Variants in TMEM184A observed in about 807,000 individuals in gnomAD.
TMEM184A encodes sexually dimorphic, expressed in male gonads 1.
In TMEM184A, 40 loss-of-function variants were observed where a neutral mutation model predicts 39.5. The observed-to-expected ratio is 1.01, with a 90% CI of 0.79 to 1.32. TMEM184A has a LOEUF of 1.32. TMEM184A is among the 40% of genes most tolerant of loss of function. The pLI is 0.00. For synonymous variants in TMEM184A, 280 were observed against 252.3 expected, an observed-to-expected ratio of 1.11 and a Z score of -1.04; for missense variants, 603 against 568.8, an observed-to-expected ratio of 1.06 and a Z score of -0.61.
rs578109221 is a variant in TMEM184A, at chr7:1,545,868, T to G, written c.*1084A>C. 1 of 152,342 alleles carries G rather than the reference T, an allele frequency of 6.6e-6. No individual in the cohort carries two copies. The highest frequency in any genetic ancestry group is 2.1e-4 in the South Asian group (1 of 4,812). 9.4% of individuals were successfully genotyped at this position (152,342 alleles called of 1,614,324 possible). Reference sequence around the variant, plus strand: ...CAAACCCAGGGCCCCACCTGGCACGTGGAGGAAGAAGAGAAGGGCAGGAGG... The same window carrying G: ...CAAACCCAGGGCCCCACCTGGCACGGGGAGGAAGAAGAGAAGGGCAGGAGG... On this transcript the variant is annotated 3_prime_UTR_variant, in exon 9 of 9. Transcript: ENST00000297477.
Position 1,546,948 on chromosome 7 carries a change from C to T in TMEM184A, c.*4G>A, listed in dbSNP as rs781643649. The T allele has an allele frequency of 4.5e-5, 69 of 1,547,848 alleles. No individual in the cohort carries two copies. The African/African-American group carries it at 8.3e-4, about 19-fold the overall frequency. On this transcript the variant is annotated 3_prime_UTR_variant, in exon 9 of 9. Transcript: ENST00000297477. ...TCCCTACAGCACTGGCAGCCCAGGC[C>T]CCCCTACAGGTCCTCCGAGGGGATC...
chr7:1,550,238 C>T, intron 4 of TMEM184A, 40 bp from the exon 5 acceptor site: 1 of 1,604,864 alleles, frequency 6.2e-7, no homozygotes, highest in Admixed American at 1.7e-5. Context: ...GAGAATGCAG[C>T]CCCGGCGCCG....
rs1784554123 is a variant in TMEM184A, at chr7:1,550,677, C to A, written c.385+140G>T. Reference sequence around the variant, plus strand: ...GTTCCAGGCCTGCCAGCGCCGCTAACCCTGACTATCCTGGCAGCCCCTCTG... The same window carrying A: ...GTTCCAGGCCTGCCAGCGCCGCTAAACCTGACTATCCTGGCAGCCCCTCTG... On this transcript the variant is annotated intron_variant, in intron 3 of 8. Coordinates refer to ENST00000297477, the MANE Select transcript of TMEM184A (RefSeq NM_001097620.2). 4.8e-5 allele frequency: 55 copies of A among 1,147,114 alleles called. 1 individual carries two copies. The East Asian group carries it at 1.3e-3, about 28-fold the overall frequency. The allele number at this position is 1,147,114 out of a possible 1,614,324, so 71.1% of individuals were successfully genotyped here.
In TMEM184A at chr7:1,548,046, C is replaced by T. The variant is rs528580768; in HGVS notation, c.815-107G>A. 3.5e-5 allele frequency: 44 copies of T among 1,269,172 alleles called. 1 individual carries two copies. The highest frequency in any genetic ancestry group is 5.9e-5 in the African/African-American group (4 of 67,822). The allele number at this position is 1,269,172 out of a possible 1,614,324, so 78.6% of individuals were successfully genotyped here. On this transcript the variant is annotated intron_variant, in intron 7 of 8. Coordinates refer to ENST00000297477, the MANE Select transcript of TMEM184A (RefSeq NM_001097620.2). Reference sequence around the variant, plus strand: ...CTCTGACGGGTGCTGTGACCCCGTCCGTGTAGTCTCGTCCCACCCCAGGAG... The same window carrying T: ...CTCTGACGGGTGCTGTGACCCCGTCTGTGTAGTCTCGTCCCACCCCAGGAG...
In TMEM184A at chr7:1,555,197, G is replaced by A. The variant is rs1778505448; in HGVS notation, c.219+69C>T. 26 of 1,346,104 alleles carry A rather than the reference G, an allele frequency of 1.9e-5. No homozygotes were observed. In the South Asian group the frequency reaches 2.4e-4, roughly 12 times the overall value. The allele number at this position is 1,346,104 out of a possible 1,614,324, so 83.4% of individuals were successfully genotyped here. On this transcript the variant is annotated intron_variant, in intron 2 of 8. Transcript: ENST00000297477. The surrounding 1 kb of genome is among the most constrained non-coding windows in gnomAD (Gnocchi z 5.2). ...TATAGCAGCGGCACCCAGGGGGACC[G>A]GGCTGAGCCACGGCCACGTCCTGTG...
chr7:1,554,726 C>T (rs1304794012), intron 2 of TMEM184A, among the ~76,000 whole-genome samples: 1 of 152,190 alleles, frequency 6.6e-6, no homozygotes, highest in Admixed American at 6.5e-5. Context: ...TGCTCCGGGT[C>T]GGGGGCTGTG....
In TMEM184A at chr7:1,550,999, T is replaced by C; in HGVS notation, c.220-17A>G. ...CAGATAGATCTGGGCGCAGGAGGGG[T>C]CGCATGAGAGCCGGGCCCGCCTGGT... is the stretch of plus-strand genomic sequence containing the variant. On this transcript the variant is annotated splice_polypyrimidine_tract_variant and intron_variant, in intron 2 of 8. Transcript: ENST00000297477. 2 of 1,595,804 alleles carry C rather than the reference T, an allele frequency of 1.3e-6. No individual in the cohort carries two copies. The highest frequency in any genetic ancestry group is 1.7e-6 in the Non-Finnish European group (2 of 1,171,420).
chr7:1,548,393 G>T, intron 7 of TMEM184A, 126 bp downstream of exon 7: 1 of 1,169,344 alleles, frequency 8.6e-7, no homozygotes, highest in Non-Finnish European at 1.2e-6. Flanking sequence ...GCTTCCAGCT[G>T]ACCTGTGCTG....
chr7:1,548,692 G>A lies in TMEM184A; in HGVS notation c.645-4C>T, dbSNP rs749055402. Reference sequence around the variant, plus strand: ...ATAGAGGTAGCCGCTGCGGACACTAGGACAGACGGGGGCTGTGGTCAGGGC... The same window carrying A: ...ATAGAGGTAGCCGCTGCGGACACTAAGACAGACGGGGGCTGTGGTCAGGGC... On this transcript the variant is annotated splice_region_variant and splice_polypyrimidine_tract_variant and intron_variant, in intron 6 of 8. Coordinates refer to ENST00000297477, the MANE Select transcript of TMEM184A (RefSeq NM_001097620.2). 2 of 1,612,644 alleles carry A rather than the reference G, an allele frequency of 1.2e-6. No individual in the cohort carries two copies. Among genetic ancestry groups the A allele is most frequent in the East Asian group, 2.2e-5 (1 of 44,852 alleles).
chr7:1,547,869 C>T lies in TMEM184A; in HGVS notation c.885G>A (p.Leu295=). 6.2e-7 allele frequency: 1 copy of T among 1,603,186 alleles called. No homozygotes were observed. Among genetic ancestry groups the T allele is most frequent in the Non-Finnish European group, 8.5e-7 (1 of 1,175,426 alleles). Residue 295 remains leucine (L), a synonymous_variant, in exon 8 of 9, where the codon CTG becomes CTA. Coordinates refer to ENST00000297477, the MANE Select transcript of TMEM184A (RefSeq NM_001097620.2). ...PEVETSGGNK[L]GAGTLAAGYQ... ...AGCCGGCGGCCAGCGTGCCAGCCCC[C>T]AGCTTGTTCCCGCCGCTGGTCTCCA...
chr7:1,544,408 A>G lies in TMEM184A; in HGVS notation c.*2544T>C, dbSNP rs1784278167. ...AAGGATACTGAGGCCAGGAGAGGCT[A>G]GAGAGCTTGGCGGGTGCGCTGGGCC... On this transcript the variant is annotated 3_prime_UTR_variant, in exon 9 of 9. Coordinates refer to ENST00000297477, the MANE Select transcript of TMEM184A (RefSeq NM_001097620.2). The G allele has an allele frequency of 6.6e-6, 1 of 152,264 alleles. No individual in the cohort carries two copies. Among genetic ancestry groups the G allele is most frequent in the Admixed American group, 6.5e-5 (1 of 15,286 alleles). The allele number at this position is 152,264 out of a possible 1,614,324, so 9.4% of individuals were successfully genotyped here.
At chr7:1,552,257 C>T (rs529998394) in intron 2 of TMEM184A, among the ~76,000 whole-genome samples, 45 of 152,108 alleles carry the variant, frequency 3.0e-4, no homozygotes, top group Non-Finnish European at 5.9e-4. Context: ...GGACTATAGT[C>T]ATGAGCCACT....
intron 6 of TMEM184A, 119 bp from the exon 7 acceptor site, chr7:1,548,807 C>A: frequency 8.3e-7 from 1 of 1,201,160 alleles, no homozygotes. Context: ...GAGCATGGGC[C>A]CTGCAGGGAT....
rs375821119 is a variant in TMEM184A at position 1,551,810 on chromosome 7, G to A, written c.220-828C>T. On this transcript the variant is annotated intron_variant, in intron 2 of 8. Coordinates refer to ENST00000297477, the MANE Select transcript of TMEM184A (RefSeq NM_001097620.2). ...AAATTAGCCAGGCATGGTGGCGCGC[G>A]CCTGTAATCCCAGCTACTAGAGAGG... Among the ~76,000 whole-genome samples, 68 of 152,076 alleles carry A rather than the reference G, an allele frequency of 4.5e-4. No individual in the cohort carries two copies. The South Asian group carries it at 0.012, about 27-fold the overall frequency.
Position 1,555,254 on chromosome 7 carries a change from G to A in TMEM184A, c.219+12C>T, listed in dbSNP as rs745455570. 32 of 1,592,660 alleles carry A rather than the reference G, an allele frequency of 2.0e-5. No homozygotes were observed. In the East Asian group the frequency reaches 2.0e-4, roughly 10 times the overall value. On this transcript the variant is annotated intron_variant, in intron 2 of 8. Coordinates refer to ENST00000297477, the MANE Select transcript of TMEM184A (RefSeq NM_001097620.2). This position sits in a 1 kb window ranked among gnomAD's most constrained non-coding sequence, Gnocchi z 5.2. ...AAGGTCCTGAAGGAGGCTCGGGGGC[G>A]GAAGGGCTTACCTGGTGGCAGGTGA...
rs538694711 is a variant in TMEM184A at position 1,550,753 on chromosome 7, G to A, written c.385+64C>T. ...GGGGACTGGCCATGGAAGAGTGTGC[G>A]TGCACGCAGGCCCCGGGGAGTCTCT... On this transcript the variant is annotated intron_variant, in intron 3 of 8. Coordinates refer to ENST00000297477, the MANE Select transcript of TMEM184A (RefSeq NM_001097620.2). 126 of 1,578,282 alleles carry A rather than the reference G, an allele frequency of 8.0e-5. 1 individual carries two copies. In the South Asian group the frequency reaches 9.7e-4, roughly 12 times the overall value.
Position 1,555,600 on chromosome 7 carries a change from A to G in TMEM184A, c.1-116T>C. On this transcript the variant is annotated intron_variant, in intron 1 of 8. Coordinates refer to ENST00000297477, the MANE Select transcript of TMEM184A (RefSeq NM_001097620.2). The surrounding 1 kb of genome is among the most constrained non-coding windows in gnomAD (Gnocchi z 5.2). ...GTGAGACGGGAGCTGAGGCTGAGCC[A>G]CCCACCAGGCCGCACCCCCCACACG... 1 of 785,630 alleles carries G rather than the reference A, an allele frequency of 1.3e-6. No individual in the cohort carries two copies. The highest frequency in any genetic ancestry group is 1.4e-5 in the South Asian group (1 of 69,242). The allele number at this position is 785,630 out of a possible 1,614,324, so 48.7% of individuals were successfully genotyped here.
At chr7:1,547,222 A>T in intron 8 of TMEM184A, 41 bp from the exon 9 acceptor site, 1 of 1,211,370 alleles carries the variant, frequency 8.3e-7, no homozygotes, top group Non-Finnish European at 1.2e-6. Flanking sequence ...TCCCCCCTGC[A>T]CTCCAGCTCC....
intron 2 of TMEM184A, among the ~76,000 whole-genome samples, chr7:1,553,513 C>T (rs535810974): frequency 6.6e-6 from 1 of 152,262 alleles, no homozygotes; most frequent in Admixed American, 6.5e-5. Flanking sequence ...ACAGGGTCAG[C>T]CGAGCCTGGG....
Sources: allele counts gnomAD v4.1 joint callset (sites outside exome capture counted in the v4.1 genomes callset), GRCh38; gene constraint gnomAD v4.1.1; non-coding constraint Gnocchi (gnomAD v3.1); transcripts MANE v1.5; gene names NCBI Gene and HGNC (gene_info 2026-07-23, HGNC 2026-07-21).